Variants in CDKN2B-AS1 observed in about 807,000 individuals in gnomAD.
The protein encoded by CDKN2B-AS1 is CDKN2B and CDKN2A antisense cis and trans regulatory RNA 1.
chr9:22,005,771 G>T lies in CDKN2B-AS1; in HGVS notation n.29+10610G>T. On this transcript the variant is annotated intron_variant and non_coding_transcript_variant, in intron 1 of 4. Transcript: ENST00000650946. This position sits in a 1 kb window ranked among gnomAD's most constrained non-coding sequence, Gnocchi z 4.9. Reference sequence around the variant, plus strand: ...CTGGAAATCCGCTTCTCTGTGTTTCGCTTCATGGTGAGTGTCGAGGGCCAG... The same window carrying T: ...CTGGAAATCCGCTTCTCTGTGTTTCTCTTCATGGTGAGTGTCGAGGGCCAG... 1 of 628,458 alleles carries T rather than the reference G, an allele frequency of 1.6e-6. No individual in the cohort carries two copies. The highest frequency in any genetic ancestry group is 2.8e-6 in the Non-Finnish European group (1 of 357,958). The allele number at this position is 628,458 out of a possible 1,614,324, so 38.9% of individuals were successfully genotyped here.
intron 1 of CDKN2B-AS1, among the ~76,000 whole-genome samples, chr9:22,042,887 T>A (rs76420025): frequency 1.2e-3 from 186 of 152,254 alleles, no homozygotes; most frequent in African/African-American, 4.1e-3. Context: ...ATCCTTAATA[T>A]GTATGACTGA....
intron 4 of CDKN2B-AS1, chr9:22,058,530 A>G (rs1048194491): frequency 2.0e-5 from 3 of 152,274 alleles, no homozygotes; most frequent in African/African-American, 4.8e-5. Flanking sequence ...TGAGCCTATC[A>G]TATAAGCCCA....
intron 4 of CDKN2B-AS1, among the ~76,000 whole-genome samples, chr9:22,125,303 A>G (rs1817998738): frequency 6.6e-6 from 1 of 152,248 alleles, no homozygotes; most frequent in Non-Finnish European, 1.5e-5. Flanking sequence ...AATATTGGTA[A>G]TATCCAATAA....
intron 4 of CDKN2B-AS1, among the ~76,000 whole-genome samples, chr9:22,067,651 G>T (rs1824114281): frequency 1.3e-5 from 2 of 152,110 alleles, no homozygotes; most frequent in South Asian, 4.1e-4. Context: ...AAAGTATACA[G>T]CCTACAGTGG....
chr9:22,094,823 A>G (rs1413646395), intron 4 of CDKN2B-AS1, among the ~76,000 whole-genome samples: 1 of 144,372 alleles, frequency 6.9e-6, no homozygotes, highest in East Asian at 2.0e-4. Flanking sequence ...CGTCAAAGTC[A>G]TTCTCCATCC....
At position 22,005,529 on chromosome 9, in the gene CDKN2B-AS1, GT is replaced by G. The variant is rs1821130206; in HGVS notation, n.29+10370del. 1 of 314,208 alleles carries G rather than the reference GT, an allele frequency of 3.2e-6. No individual in the cohort carries two copies. The highest frequency in any genetic ancestry group is 2.1e-5 in the African/African-American group (1 of 47,508). 19.5% of individuals were successfully genotyped at this position (314,208 alleles called of 1,614,324 possible). ...TCTGCCGCTAGGGCCTAAGTTGTGG[GT>G]TCACCATAACTCCTCAGCAGACATT... On this transcript the variant is annotated intron_variant and non_coding_transcript_variant, in intron 1 of 4. Coordinates refer to ENST00000650946, the Ensembl canonical transcript of CDKN2B-AS1. The surrounding 1 kb of genome is among the most constrained non-coding windows in gnomAD (Gnocchi z 4.9).
intron 1 of CDKN2B-AS1, among the ~76,000 whole-genome samples, chr9:22,016,460 A>G (rs1821764040): frequency 6.6e-6 from 1 of 152,232 alleles, no homozygotes; most frequent in Non-Finnish European, 1.5e-5. Context: ...TAAAGTTCAT[A>G]TGGAACCAAA....
chr9:22,075,958 C>A (rs1824474890), intron 4 of CDKN2B-AS1, among the ~76,000 whole-genome samples: 1 of 152,162 alleles, frequency 6.6e-6, no homozygotes, highest in South Asian at 2.1e-4. Flanking sequence ...CAGTGGTGAT[C>A]TTGCTCTTTT....
At chr9:22,116,661 A>G (rs999216674) in intron 4 of CDKN2B-AS1, among the ~76,000 whole-genome samples, 1 of 152,164 alleles carries the variant, frequency 6.6e-6, no homozygotes, top group Non-Finnish European at 1.5e-5. Context: ...AACTTGGCCC[A>G]TTGGAGGGAC....
chr9:22,081,611 A>G (rs1412903799), intron 4 of CDKN2B-AS1, among the ~76,000 whole-genome samples: 2 of 152,220 alleles, frequency 1.3e-5, no homozygotes, highest in Non-Finnish European at 2.9e-5. Flanking sequence ...AATTCAACAC[A>G]GCCCCTGGGA....
intron 1 of CDKN2B-AS1, among the ~76,000 whole-genome samples, chr9:22,023,564 C>T (rs1483647424): frequency 3.3e-5 from 5 of 151,644 alleles, no homozygotes; most frequent in African/African-American, 1.2e-4. Context: ...TGAAACCCCA[C>T]CTCTACTAAA....
chr9:22,009,052 T>C, intron 1 of CDKN2B-AS1: 1 of 1,564,762 alleles, frequency 6.4e-7, no homozygotes, highest in Non-Finnish European at 8.8e-7. Flanking sequence ...CGGCGCACTC[T>C]CTCCTTCCTA....
At chr9:22,103,870 G>A (rs915386158) in intron 4 of CDKN2B-AS1, among the ~76,000 whole-genome samples, 5 of 152,154 alleles carry the variant, frequency 3.3e-5, no homozygotes, top group Non-Finnish European at 5.9e-5. Context: ...TAACACTGAT[G>A]TACTGGAATA....
intron 4 of CDKN2B-AS1, among the ~76,000 whole-genome samples, chr9:22,121,377 A>AT (rs1368616331): frequency 6.6e-6 from 1 of 151,464 alleles, no homozygotes; most frequent in African/African-American, 2.4e-5. Context: ...AACTAAAAAA[A>AT]AACTGTACAA....
rs1825785994 is a variant in CDKN2B-AS1, at chr9:22,110,766, TC to T, written n.439-16335del. ...TACCTGTCTTTAGATGCCCTGTATTTCCTCCCCAATCTCATCCCGCTCCTAC... is the reference window on the plus strand; with the variant it reads ...TACCTGTCTTTAGATGCCCTGTATTTCTCCCCAATCTCATCCCGCTCCTAC... On this transcript the variant is annotated intron_variant and non_coding_transcript_variant, in intron 4 of 4. Coordinates refer to ENST00000650946, the Ensembl canonical transcript of CDKN2B-AS1. Among the ~76,000 whole-genome samples the T allele has an allele frequency of 2.6e-5, 4 of 152,262 alleles. No homozygotes were observed. The South Asian group carries it at 8.3e-4, about 32-fold the overall frequency.
At chr9:22,098,829 C>A (rs1044669395) in intron 4 of CDKN2B-AS1, among the ~76,000 whole-genome samples, 1 of 152,186 alleles carries the variant, frequency 6.6e-6, no homozygotes, top group African/African-American at 2.4e-5. Context: ...GCTGACCACA[C>A]CTCCATTACT....
chr9:22,093,590 T>C (rs944928812), intron 4 of CDKN2B-AS1, among the ~76,000 whole-genome samples: 7 of 133,546 alleles, frequency 5.2e-5, no homozygotes, highest in Non-Finnish European at 3.0e-5. Context: ...TCTTTGTCTC[T>C]TTTGATTTTG....
chr9:22,012,174 C>T (rs1821536548), intron 1 of CDKN2B-AS1: 2 of 1,367,184 alleles, frequency 1.5e-6, no homozygotes, highest in African/African-American at 2.9e-5. Flanking sequence ...TTTGTGAAGA[C>T]CCTCACGGGC....
At chr9:22,021,241 T>A (rs1822006266) in intron 1 of CDKN2B-AS1, among the ~76,000 whole-genome samples, 1 of 152,070 alleles carries the variant, frequency 6.6e-6, no homozygotes, top group Admixed American at 6.5e-5. Context: ...TGTGTCTGCT[T>A]TTTTTTATGT....
Sources: gnomAD v4.1 joint callset for allele counts (sites outside exome capture counted in the v4.1 genomes callset) on GRCh38, gnomAD v4.1.1 for gene constraint, Gnocchi (gnomAD v3.1) non-coding constraint, MANE v1.5 for transcripts, NCBI Gene and HGNC (gene_info 2026-07-23, HGNC 2026-07-21) for gene names.